The following SRRM2 variants were observed in gnomAD, a reference collection of about 807,000 sequenced individuals.
SRRM2 encodes the protein serine/arginine repetitive matrix protein 2.
In SRRM2, 30 loss-of-function variants were observed where a neutral mutation model predicts 213.8. That is an observed-to-expected ratio of 0.14 (90% CI 0.10 to 0.19). The LOEUF (loss-of-function observed/expected upper bound fraction) is 0.19, where lower values mean the gene tolerates loss of function less well. SRRM2 is among the 10% of genes least tolerant of loss of function. The pLI, the probability that SRRM2 is intolerant of heterozygous loss-of-function variation, is 1.00. For synonymous variants in SRRM2, 2,025 were observed against 1,377.7 expected, an observed-to-expected ratio of 1.47 and a Z score of -10.40; for missense variants, 4,904 against 3,647.0, an observed-to-expected ratio of 1.34 and a Z score of -8.88.
chr16:2,771,318 C>A lies in SRRM2; in HGVS notation c.*451C>A. 7.7e-7 allele frequency: 1 copy of A among 1,294,020 alleles called. No homozygotes were observed. Among genetic ancestry groups the A allele is most frequent in the Non-Finnish European group, 1.1e-6 (1 of 898,864 alleles). 80.2% of individuals were successfully genotyped at this position (1,294,020 alleles called of 1,614,324 possible). A position where few individuals can be genotyped will look rare whatever the true frequency, so the allele number is the denominator to read the frequency against. Reference sequence around the variant, plus strand: ...CCCATGAGGTTGTGAACCCCTCCCCCCAACTTTTCATGTTTCTTAAAGGCA... The same window carrying A: ...CCCATGAGGTTGTGAACCCCTCCCCACAACTTTTCATGTTTCTTAAAGGCA... On this transcript the variant is annotated 3_prime_UTR_variant, in exon 15 of 15. Coordinates refer to ENST00000301740, the MANE Select transcript of SRRM2 (RefSeq NM_016333.4).
At chr16:2,761,444 G>T in intron 10 of SRRM2, 117 bp from the exon 11 acceptor site, 1 of 751,700 alleles carries the variant, frequency 1.3e-6, no homozygotes, top group Non-Finnish European at 2.0e-6. Flanking sequence ...GTGATCGCTT[G>T]TGGTCAGAGG....
intron 12 of SRRM2, 157 bp downstream of exon 12, chr16:2,769,441 G>A: frequency 2.3e-6 from 2 of 873,752 alleles, no homozygotes; most frequent in African/African-American, 1.7e-5. Flanking sequence ...CATGCTCGTT[G>A]CACCCTGTTC....
In SRRM2 at chr16:2,764,200, G is replaced by C; in HGVS notation, c.3672G>C (p.Glu1224Asp). 6.2e-7 allele frequency: 1 copy of C among 1,614,212 alleles called. No homozygotes were observed. Among genetic ancestry groups the C allele is most frequent in the Non-Finnish European group, 8.5e-7 (1 of 1,180,052 alleles). ...CTGGGTCATCTCCAGAAACAAAAGAGCAAAATAGTGCATTGCCTACGTCAA... is the reference window on the plus strand; with the variant it reads ...CTGGGTCATCTCCAGAAACAAAAGACCAAAATAGTGCATTGCCTACGTCAA... ...SGAGSSPETK[E>D]QNSALPTSSQ... The change falls in exon 11 of 15, where the codon GAG (glutamate) becomes GAC (aspartate). Residue 1224 changes from glutamate (E) to aspartate (D), a missense_variant. Glu to Asp is a conservative substitution (Grantham distance 45). Transcript: ENST00000301740.
At position 2,765,121 on chromosome 16, in the gene SRRM2, T is replaced by G. The variant is rs780648853; in HGVS notation, c.4593T>G (p.Thr1531=). ...TTGATCAGAAAACTGTGGCTCGGAC[T>G]CCCCTGGGGCAGAGAAGTCGTTCGG... ...SSVDQKTVAR[T]PLGQRSRSGS... is the part of the protein sequence containing the mutation. Residue 1531 remains threonine (T), a synonymous_variant, in exon 11 of 15, where the codon ACT becomes ACG. Coordinates refer to ENST00000301740, the MANE Select transcript of SRRM2 (RefSeq NM_016333.4). 5 of 1,614,182 alleles carry G rather than the reference T, an allele frequency of 3.1e-6. No individual in the cohort carries two copies. Among genetic ancestry groups the G allele is most frequent in the Non-Finnish European group, 3.4e-6 (4 of 1,180,034 alleles).
chr16:2,767,586 C>T lies in SRRM2; in HGVS notation c.7058C>T (p.Ala2353Val), dbSNP rs745528751. 3 of 1,614,082 alleles carry T rather than the reference C, an allele frequency of 1.9e-6. No individual in the cohort carries two copies. Among genetic ancestry groups the T allele is most frequent in the Non-Finnish European group, 2.5e-6 (3 of 1,180,046 alleles). ...SAHATAPVNI[A>V]GSRTAAALAP... ...CATGCCACAGCTCCTGTGAATATTG[C>T]CGGCTCCAGAACCGCCGCAGCCTTG... Residue 2353 changes from alanine to valine, a missense_variant, in exon 11 of 15, where the codon GCC becomes GTC. Physicochemically the swap from Ala to Val is moderately conservative, Grantham distance 64 (BLOSUM62 0). Coordinates refer to ENST00000301740, the MANE Select transcript of SRRM2 (RefSeq NM_016333.4).
chr16:2,753,436 A>G (rs1009578626), intron 1 of SRRM2: 11 of 152,388 alleles, frequency 7.2e-5, no homozygotes, highest in Non-Finnish European at 1.3e-4. Context: ...ATTCCCGGCT[A>G]TCAGCCTTTG....
At chr16:2,759,696 G>A (rs2068271844) in intron 9 of SRRM2, 35 bp downstream of exon 9, 1 of 1,571,496 alleles carries the variant, frequency 6.4e-7, no homozygotes, top group East Asian at 2.2e-5. Flanking sequence ...GAGGGAGAGG[G>A]AATGATGGGT....
Position 2,767,620 on chromosome 16 carries a change from G to A in SRRM2, c.7092G>A (p.Ala2364=), listed in dbSNP as rs150380100. 1.4e-3 allele frequency: 2,210 copies of A among 1,614,128 alleles called. 5 individuals are homozygous for A. The highest frequency in any genetic ancestry group is 3.8e-3 in the Middle Eastern group (23 of 6,062). The part of the protein sequence containing the change: ...GSRTAAALAP[A]SLTSARMAPA... ...GAACCGCCGCAGCCTTGGCCCCCGC[G>A]AGCCTCACCAGTGCTAGGATGGCTC... Residue 2364 remains alanine, a synonymous_variant, in exon 11 of 15, where the codon GCG becomes GCA. Coordinates refer to ENST00000301740, the MANE Select transcript of SRRM2 (RefSeq NM_016333.4).
Position 2,761,875 on chromosome 16 carries a change from C to T in SRRM2, c.1347C>T (p.Ser449=), listed in dbSNP as rs747864066. The T allele has an allele frequency of 5.6e-6, 9 of 1,612,246 alleles. No individual in the cohort carries two copies. The South Asian group carries it at 7.7e-5, about 14-fold the overall frequency. ...CTAAACCTGCTCCAGCTCCAGGGTC[C>T]CACCGAGAGATTTCTTCTTCTCCCA... The part of the protein sequence containing the change: ...ESPKPAPAPG[S]HREISSSPTS... The change falls in exon 11 of 15, where the codon TCC becomes TCT. Residue 449 remains serine, a synonymous_variant. Coordinates refer to ENST00000301740, the MANE Select transcript of SRRM2 (RefSeq NM_016333.4).
Position 2,761,886 on chromosome 16 carries a change from TTTC to T in SRRM2, c.1366_1368del (p.Ser456del), listed in dbSNP as rs751270624. 66 of 1,612,380 alleles carry T rather than the reference TTTC, an allele frequency of 4.1e-5. No individual in the cohort carries two copies. Among genetic ancestry groups the T allele is most frequent in the African/African-American group, 6.7e-5 (5 of 74,828 alleles). Reference sequence around the variant, plus strand: ...CCAGCTCCAGGGTCCCACCGAGAGATTTCTTCTTCTCCCACATCTAAGAATCGC... The same window carrying T: ...CCAGCTCCAGGGTCCCACCGAGAGATTTCTTCTCCCACATCTAAGAATCGC... On this transcript the variant is annotated inframe_deletion, in exon 11 of 15. Coordinates refer to ENST00000301740, the MANE Select transcript of SRRM2 (RefSeq NM_016333.4).
In SRRM2 at chr16:2,766,040, C is replaced by G. The variant is rs756475416; in HGVS notation, c.5512C>G (p.Arg1838Gly). 1 of 1,613,816 alleles carries G rather than the reference C, an allele frequency of 6.2e-7. No homozygotes were observed. Among genetic ancestry groups the G allele is most frequent in the African/African-American group, 1.3e-5 (1 of 74,820 alleles). The change falls in exon 11 of 15, where the codon CGA (arginine) becomes GGA (glycine). Residue 1838 changes from arginine to glycine, a missense_variant. Arg to Gly is a moderately radical substitution (Grantham distance 125, BLOSUM62 -2). Transcript: ENST00000301740. The surrounding 1 kb of genome is among the most constrained non-coding windows in gnomAD (Gnocchi z 7.0). Reference sequence around the variant, plus strand: ...AAGTTCCCGGACCTCCTCTCGACGCCGAAGAGGCCGCTCTCGGACACCCCC... The same window carrying G: ...AAGTTCCCGGACCTCCTCTCGACGCGGAAGAGGCCGCTCTCGGACACCCCC... The part of the protein sequence containing the change: ...QESSRTSSRR[R>G]RGRSRTPPTS...
At chr16:2,758,398 C>G (rs565847203) in intron 4 of SRRM2, 72 bp from the exon 5 acceptor site, 1 of 1,306,326 alleles carries the variant, frequency 7.7e-7, no homozygotes, top group Non-Finnish European at 1.1e-6. Context: ...TTTTTTTAGA[C>G]TCTGTCTTTT....
rs747714414 is a variant in SRRM2, at chr16:2,765,692, C to A, written c.5164C>A (p.Pro1722Thr). 1.2e-6 allele frequency: 2 copies of A among 1,614,124 alleles called. No homozygotes were observed. Among genetic ancestry groups the A allele is most frequent in the Non-Finnish European group, 1.7e-6 (2 of 1,180,028 alleles). ...SSPETRSRTPPRHRRSPSVSS... is the reference protein window; with the variant it reads ...SSPETRSRTPTRHRRSPSVSS... Reference sequence around the variant, plus strand: ...ACCAGAAACTCGCTCTAGAACTCCCCCAAGGCACCGGAGAAGTCCCTCAGT... The same window carrying A: ...ACCAGAAACTCGCTCTAGAACTCCCACAAGGCACCGGAGAAGTCCCTCAGT... Residue 1722 changes from proline (P) to threonine (T), a missense_variant, in exon 11 of 15, where the codon CCA becomes ACA. Coordinates refer to ENST00000301740, the MANE Select transcript of SRRM2 (RefSeq NM_016333.4).
Position 2,757,562 on chromosome 16 carries a change from C to A in SRRM2, c.333C>A (p.Thr111=). The A allele has an allele frequency of 6.2e-7, 1 of 1,613,786 alleles. No individual in the cohort carries two copies. The highest frequency in any genetic ancestry group is 8.5e-7 in the Non-Finnish European group (1 of 1,179,850). The change falls in exon 3 of 15, where the codon ACC becomes ACA. Residue 111 remains threonine (T), a synonymous_variant. Coordinates refer to ENST00000301740, the MANE Select transcript of SRRM2 (RefSeq NM_016333.4). ...KDVNPGGKEE[T]PGQRPAVTET... is the part of the protein sequence containing the mutation. Reference sequence around the variant, plus strand: ...TGAACCCTGGGGGCAAGGAGGAGACCCCAGGGCAGAGGCCAGCGTGAGTGT... The same window carrying A: ...TGAACCCTGGGGGCAAGGAGGAGACACCAGGGCAGAGGCCAGCGTGAGTGT...
intron 11 of SRRM2, 96 bp from the exon 12 acceptor site, chr16:2,768,901 G>A (rs1197628757): frequency 6.4e-7 from 1 of 1,568,270 alleles, no homozygotes. Context: ...GCCTTTCTCA[G>A]GCACCCCTCC....
intron 4 of SRRM2, 70 bp from the exon 5 acceptor site, chr16:2,758,400 C>T (rs75262558): frequency 1.7e-5 from 22 of 1,328,746 alleles, no homozygotes; most frequent in East Asian, 2.3e-5. Flanking sequence ...TTTTTAGACT[C>T]TGTCTTTTAA....
rs1385154989 is a variant in SRRM2, at chr16:2,762,237, G to A, written c.1709G>A (p.Arg570Lys). 9.9e-6 allele frequency: 16 copies of A among 1,614,196 alleles called. No homozygotes were observed. Among genetic ancestry groups the A allele is most frequent in the Non-Finnish European group, 1.4e-5 (16 of 1,180,006 alleles). Residue 570 changes from arginine to lysine, a missense_variant, in exon 11 of 15, where the codon AGG becomes AAG. Transcript: ENST00000301740. ...TCCCACTCTAGATCCCCAGCCACTAGGGGTAGATCTCGTTCTAGAACACCA... is the reference window on the plus strand; with the variant it reads ...TCCCACTCTAGATCCCCAGCCACTAAGGGTAGATCTCGTTCTAGAACACCA... ...GRSHSRSPAT[R>K]GRSRSRTPAR...
Position 2,765,923 on chromosome 16 carries a change from C to G in SRRM2, c.5395C>G (p.Arg1799Gly), listed in dbSNP as rs750044206. The change falls in exon 11 of 15, where the codon CGG (arginine) becomes GGG (glycine). Residue 1799 changes from arginine (R) to glycine (G), a missense_variant. Arg to Gly is a moderately radical substitution (Grantham distance 125). Coordinates refer to ENST00000301740, the MANE Select transcript of SRRM2 (RefSeq NM_016333.4). ...GTCTGGATCTTCTCAGTCAACCTCTCGGCGAAGACAGCGGAGCCGGTCAAG... is the reference window on the plus strand; with the variant it reads ...GTCTGGATCTTCTCAGTCAACCTCTGGGCGAAGACAGCGGAGCCGGTCAAG... ...DRSGSSQSTS[R>G]RRQRSRSRSR... is the part of the protein sequence containing the mutation. 6.2e-7 allele frequency: 1 copy of G among 1,614,168 alleles called. No homozygotes were observed. The highest frequency in any genetic ancestry group is 2.2e-5 in the East Asian group (1 of 44,858).
Position 2,763,749 on chromosome 16 carries a change from C to T in SRRM2, c.3221C>T (p.Pro1074Leu). The T allele has an allele frequency of 1.2e-6, 2 of 1,614,150 alleles. No homozygotes were observed. Among genetic ancestry groups the T allele is most frequent in the Non-Finnish European group, 1.7e-6 (2 of 1,180,034 alleles). ...GACCACAGATCTGATACTTCAAGTC[C>T]AGAAGTGAGACAGAGTCATTCAGAA... ...SPDHRSDTSS[P>L]EVRQSHSESP... The change falls in exon 11 of 15, where the codon CCA becomes CTA. Residue 1074 changes from proline to leucine, a missense_variant. Transcript: ENST00000301740.
Sources: allele counts gnomAD v4.1 joint callset, GRCh38; gene constraint gnomAD v4.1.1; non-coding constraint Gnocchi (gnomAD v3.1); transcripts MANE v1.5; gene names NCBI Gene and HGNC (gene_info 2026-07-23, HGNC 2026-07-21).